The following PILRB variants were observed in gnomAD, a reference collection of about 807,000 sequenced individuals.
The protein encoded by PILRB is paired immunoglobulin-like type 2 receptor beta.
A neutral mutation model predicts 20.5 loss-of-function variants in PILRB; 21 were observed. The observed-to-expected ratio is 1.02, with a 90% CI of 0.72 to 1.47. The LOEUF is 1.47. Among genes scored for constraint, PILRB ranks in the 40% most tolerant of loss-of-function variants. The pLI is 0.00. For synonymous variants in PILRB, 133 were observed against 115.1 expected (o/e 1.16, Z -0.99); for missense variants, 253 against 272.1 (o/e 0.93, Z 0.49).
intron 3 of PILRB, among the ~76,000 whole-genome samples, chr7:100,366,044 C>T (rs1584202465): frequency 6.6e-6 from 1 of 151,340 alleles, no homozygotes; most frequent in South Asian, 2.1e-4. Context: ...ACCTCCACCT[C>T]CCAGGGTCAA....
intron 3 of PILRB, among the ~76,000 whole-genome samples, chr7:100,361,294 G>C (rs901553271): frequency 1.3e-5 from 2 of 152,194 alleles, no homozygotes; most frequent in African/African-American, 4.8e-5. Flanking sequence ...TTGTCCATTG[G>C]AAACTTGGAT....
chr7:100,366,959 A>G (rs2130129564), intron 3 of PILRB, among the ~76,000 whole-genome samples: 1 of 152,124 alleles, frequency 6.6e-6, no homozygotes, highest in South Asian at 2.1e-4. Context: ...GCCCTTCCTG[A>G]TGGGTTTGGG....
Position 100,358,971 on chromosome 7 carries a change from C to T in PILRB, c.346C>T (p.Arg116Trp), listed in dbSNP as rs756903361. The change falls in exon 2 of 4, where the codon CGG (arginine) becomes TGG (tryptophan). Residue 116 changes from arginine to tryptophan, a missense_variant. Transcript: ENST00000609309. The part of the protein sequence containing the change: ...ESGFLRISNL[R>W]KEDQSVYFCR... ...CGGCTTCCTCAGGATCTCAAACCTG[C>T]GGAAGGAGGACCAGTCTGTGTATTT... 6.5e-5 allele frequency: 105 copies of T among 1,613,990 alleles called. 2 individuals carry two copies. The highest frequency in any genetic ancestry group is 5.3e-4 in the South Asian group (48 of 91,082).
chr7:100,367,430 G>T lies in PILRB; in HGVS notation c.*53G>T. 1.3e-6 allele frequency: 1 copy of T among 779,336 alleles called. No homozygotes were observed. The highest frequency in any genetic ancestry group is 1.3e-5 in the South Asian group (1 of 74,584). 48.3% of individuals were successfully genotyped at this position (779,336 alleles called of 1,614,324 possible). A position where few individuals can be genotyped will look rare whatever the true frequency, so the allele number is the denominator to read the frequency against. Reference sequence around the variant, plus strand: ...GTATTAGCCCCGGAGGACGTGATGTGAGACCCGCTTGTGAGTCCTCCACAC... The same window carrying T: ...GTATTAGCCCCGGAGGACGTGATGTTAGACCCGCTTGTGAGTCCTCCACAC... On this transcript the variant is annotated 3_prime_UTR_variant, in exon 4 of 4. Coordinates refer to ENST00000609309, the MANE Select transcript of PILRB (RefSeq NM_178238.4).
intron 3 of PILRB, among the ~76,000 whole-genome samples, chr7:100,364,287 G>C (rs1038669060): frequency 1.3e-5 from 2 of 152,108 alleles, no homozygotes; most frequent in African/African-American, 4.8e-5. Flanking sequence ...AAAACATAAA[G>C]GTGCATCTCT....
At chr7:100,359,616 C>G (rs1790471904) in intron 3 of PILRB, 79 bp downstream of exon 3, 5 of 1,183,438 alleles carry the variant, frequency 4.2e-6, no homozygotes, top group Admixed American at 1.9e-5. Context: ...TAAGGGACTT[C>G]AGAAATATGC....
intron 2 of PILRB, 25 bp from the exon 3 acceptor site, chr7:100,359,312 T>A (rs1298052199): frequency 3.1e-6 from 5 of 1,610,136 alleles, no homozygotes; most frequent in African/African-American, 1.3e-5. Flanking sequence ...CAGAAGAGGG[T>A]CTGCTCATTC....
At position 100,367,524 on chromosome 7, in the gene PILRB, A is replaced by G. The variant is rs182817427; in HGVS notation, c.*147A>G. 3.3e-5 allele frequency: 22 copies of G among 657,160 alleles called. No individual in the cohort carries two copies. Among genetic ancestry groups the G allele is most frequent in the Admixed American group, 7.3e-5 (3 of 41,226 alleles). The allele number at this position is 657,160 out of a possible 1,614,324, so 40.7% of individuals were successfully genotyped here. On this transcript the variant is annotated 3_prime_UTR_variant, in exon 4 of 4. Coordinates refer to ENST00000609309, the MANE Select transcript of PILRB (RefSeq NM_178238.4). ...TTTAAAAGGCAAAGCCGCAAGGCAG[A>G]AGGAGGCTGGGTCCCTGAATCACCG...
intron 3 of PILRB, 66 bp from the exon 4 acceptor site, chr7:100,367,283 G>A: frequency 2.6e-6 from 2 of 779,296 alleles, no homozygotes; most frequent in Non-Finnish European, 4.8e-6. Flanking sequence ...GATCTCTGAA[G>A]CAACTGCCTC....
intron 3 of PILRB, among the ~76,000 whole-genome samples, chr7:100,359,896 G>A (rs762850585): frequency 3.9e-5 from 6 of 152,216 alleles, no homozygotes; most frequent in East Asian, 1.9e-4. Flanking sequence ...GGTGGCACAC[G>A]CTTATAGTCC....
chr7:100,359,616 CAGAA>C, intron 3 of PILRB, 79 bp downstream of exon 3: 1 of 1,183,432 alleles, frequency 8.4e-7, no homozygotes, highest in Non-Finnish European at 1.2e-6. Flanking sequence ...TAAGGGACTT[CAGAA>C]ATATGCAGAC....
At chr7:100,362,428 C>T (rs941984498) in intron 3 of PILRB, among the ~76,000 whole-genome samples, 5 of 152,124 alleles carry the variant, frequency 3.3e-5, no homozygotes, top group South Asian at 2.1e-4. Context: ...TAATGTAGTG[C>T]ACCCCATTAG....
At chr7:100,367,258 C>G (rs1386242318) in intron 3 of PILRB, 91 bp from the exon 4 acceptor site, 1 of 778,008 alleles carries the variant, frequency 1.3e-6, no homozygotes, top group Non-Finnish European at 2.4e-6. Context: ...TTTTTGCCAC[C>G]TCCCACTTAA....
chr7:100,365,033 T>C (rs187497746), intron 3 of PILRB, among the ~76,000 whole-genome samples: 16 of 152,296 alleles, frequency 1.1e-4, no homozygotes, highest in African/African-American at 2.6e-4. Flanking sequence ...AAAGTCCTGC[T>C]TTGTCACCCA....
At chr7:100,366,791 G>A (rs1790702223) in intron 3 of PILRB, among the ~76,000 whole-genome samples, 5 of 152,274 alleles carry the variant, frequency 3.3e-5, no homozygotes, top group African/African-American at 7.2e-5. Flanking sequence ...AGGGCTCAGC[G>A]ATAGAGGGAG....
At chr7:100,359,101 C>T (rs746860719) in intron 2 of PILRB, 22 bp downstream of exon 2, 7 of 1,613,646 alleles carry the variant, frequency 4.3e-6, no homozygotes, top group South Asian at 1.1e-5. Context: ...TGCCCTGACA[C>T]CTGCCTTGCC....
At chr7:100,363,783 CTA>C (rs1281181566) in intron 3 of PILRB, among the ~76,000 whole-genome samples, 2 of 152,124 alleles carry the variant, frequency 1.3e-5, no homozygotes, top group Non-Finnish European at 2.9e-5. Flanking sequence ...GTATTAAAAA[CTA>C]TGGTAATCAA....
At chr7:100,364,994 CT>C (rs1248195415) in intron 3 of PILRB, among the ~76,000 whole-genome samples, 1 of 151,862 alleles carries the variant, frequency 6.6e-6, no homozygotes, top group Admixed American at 6.6e-5. Flanking sequence ...ATTATTGAAT[CT>C]TTTTTATTTA....
At chr7:100,365,143 G>A (rs1217831554) in intron 3 of PILRB, among the ~76,000 whole-genome samples, 2 of 152,316 alleles carry the variant, frequency 1.3e-5, no homozygotes, top group South Asian at 2.1e-4. Flanking sequence ...GGGATCACAG[G>A]TGTGTGCCAC....
Sources: allele counts gnomAD v4.1 joint callset (sites outside exome capture counted in the v4.1 genomes callset), GRCh38; gene constraint gnomAD v4.1.1; transcripts MANE v1.5; gene names NCBI Gene and HGNC (gene_info 2026-07-23, HGNC 2026-07-21).